ZNF423: variants seen among roughly 807,000 people sequenced by gnomAD.
ZNF423 encodes Ebf-associated zinc finger protein.
A neutral mutation model predicts 95.8 loss-of-function variants in ZNF423; 12 were observed. The observed-to-expected ratio is 0.13, with a 90% CI of 0.08 to 0.20. The LOEUF (loss-of-function observed/expected upper bound fraction) is 0.20, where lower values mean the gene tolerates loss of function less well. ZNF423 is among the 10% of genes least tolerant of loss of function. The pLI is 1.00. For synonymous variants in ZNF423, 749 were observed against 711.9 expected (o/e 1.05, Z -0.83); for missense variants, 1,316 against 1,737.1 (o/e 0.76, Z 4.31).
chr16:49,735,099 T>C (rs1372124221), intron 2 of ZNF423, among the ~76,000 whole-genome samples: 2 of 152,170 alleles, frequency 1.3e-5, no homozygotes, highest in African/African-American at 4.8e-5. Flanking sequence ...AAGTCCCATG[T>C]AGGGTCCTGG....
chr16:49,852,566 G>A (rs2035313443), intron 1 of ZNF423, among the ~76,000 whole-genome samples: 1 of 151,844 alleles, frequency 6.6e-6, no homozygotes, highest in Non-Finnish European at 1.5e-5. Context: ...GGAAAATGAG[G>A]CCAAAATTAT....
intron 2 of ZNF423, among the ~76,000 whole-genome samples, chr16:49,770,168 A>G (rs1356674704): frequency 6.6e-6 from 1 of 151,192 alleles, no homozygotes; most frequent in Non-Finnish European, 1.5e-5. Flanking sequence ...GTGCTCAATA[A>G]TATCTGTGAC....
intron 2 of ZNF423, among the ~76,000 whole-genome samples, chr16:49,785,230 C>T (rs530969148): frequency 6.6e-6 from 1 of 152,174 alleles, no homozygotes; most frequent in South Asian, 2.1e-4. Context: ...GTGCATGCCA[C>T]CATGCCCAGG....
At chr16:49,570,901 C>T (rs933243412) in intron 5 of ZNF423, among the ~76,000 whole-genome samples, 7 of 152,218 alleles carry the variant, frequency 4.6e-5, no homozygotes, top group Non-Finnish European at 7.3e-5. Flanking sequence ...GCCCCATTGC[C>T]ACCCTCCTCC....
chr16:49,844,393 TA>T (rs2035221477), intron 1 of ZNF423, among the ~76,000 whole-genome samples: 1 of 152,138 alleles, frequency 6.6e-6, no homozygotes, highest in African/African-American at 2.4e-5. Flanking sequence ...AAGCCCTCGA[TA>T]AACAGCAGCT....
intron 3 of ZNF423, among the ~76,000 whole-genome samples, chr16:49,693,653 G>A (rs1567294578): frequency 1.3e-5 from 2 of 152,174 alleles, no homozygotes; most frequent in Non-Finnish European, 2.9e-5. Context: ...GACCAATCCA[G>A]GCCAATCAGC....
chr16:49,716,075 G>C (rs2032697904), intron 3 of ZNF423, among the ~76,000 whole-genome samples: 1 of 152,026 alleles, frequency 6.6e-6, no homozygotes, highest in Non-Finnish European at 1.5e-5. Flanking sequence ...CCAGGGCAGT[G>C]GGGGAGGAGC....
chr16:49,645,975 C>A (rs140057202), intron 3 of ZNF423, among the ~76,000 whole-genome samples: 133 of 152,344 alleles, frequency 8.7e-4, no homozygotes, highest in East Asian at 3.1e-3. Context: ...GTCAATTAAA[C>A]CTCTTTCCTT....
chr16:49,788,738 C>T (rs774138377), intron 2 of ZNF423, among the ~76,000 whole-genome samples: 11 of 152,182 alleles, frequency 7.2e-5, no homozygotes, highest in Non-Finnish European at 1.3e-4. Flanking sequence ...AAGGGGATCC[C>T]GGCGCCTGCC....
At chr16:49,730,644 C>T (rs946504280) in intron 3 of ZNF423, 127 bp downstream of exon 3, 4 of 1,034,156 alleles carry the variant, frequency 3.9e-6, no homozygotes, top group Middle Eastern at 3.1e-4. Flanking sequence ...CAAGACACCA[C>T]AATAAAATGA....
intron 5 of ZNF423, among the ~76,000 whole-genome samples, chr16:49,569,878 T>C: frequency 6.6e-6 from 1 of 152,126 alleles, no homozygotes; most frequent in Non-Finnish European, 1.5e-5. Flanking sequence ...GCCTAGGAGG[T>C]CAGTAATAAT....
intron 5 of ZNF423, among the ~76,000 whole-genome samples, chr16:49,565,341 C>A (rs1015885054): frequency 6.6e-6 from 1 of 152,178 alleles, no homozygotes; most frequent in Non-Finnish European, 1.5e-5. Flanking sequence ...TTTCAAAAAG[C>A]CTGAATACAT....
chr16:49,633,024 A>C (rs1397324325), intron 4 of ZNF423, among the ~76,000 whole-genome samples: 1 of 152,184 alleles, frequency 6.6e-6, no homozygotes, highest in Non-Finnish European at 1.5e-5. Context: ...ACCCCACCCC[A>C]GCTGGCCTTT....
intron 3 of ZNF423, among the ~76,000 whole-genome samples, chr16:49,699,091 AATCAC>A (rs1416879478): frequency 2.0e-5 from 3 of 152,352 alleles, no homozygotes; most frequent in Middle Eastern, 6.8e-3. Flanking sequence ...CCGAAAACAC[AATCAC>A]CTCCTCTGCC....
intron 3 of ZNF423, among the ~76,000 whole-genome samples, chr16:49,723,632 C>T (rs1459554860): frequency 6.6e-6 from 1 of 152,186 alleles, no homozygotes; most frequent in East Asian, 1.9e-4. Flanking sequence ...GCCTTCCTCA[C>T]TCTGATACTA....
At chr16:49,649,461 C>T (rs927787978) in intron 3 of ZNF423, among the ~76,000 whole-genome samples, 9 of 152,066 alleles carry the variant, frequency 5.9e-5, no homozygotes, top group Non-Finnish European at 8.8e-5. Flanking sequence ...TCTCCTAGTT[C>T]GGGTGGTTTT....
At chr16:49,499,389 G>A (rs941483500) in intron 7 of ZNF423, among the ~76,000 whole-genome samples, 6 of 152,340 alleles carry the variant, frequency 3.9e-5, no homozygotes, top group Middle Eastern at 3.4e-3. Flanking sequence ...CAATTCATCC[G>A]GAACTCCCGG....
chr16:49,492,074 C>T lies in ZNF423; in HGVS notation c.3850-770G>A, dbSNP rs1332951505. ...TTACAGTCAATGGCATTTCCTCCCC[C>T]TGCCAGCCAGAGGGGGCCAGCAGGG... On this transcript the variant is annotated intron_variant, in intron 7 of 7. Transcript: ENST00000563137. The surrounding 1 kb of genome is among the most constrained non-coding windows in gnomAD (Gnocchi z 4.2). 6.6e-6 allele frequency among the ~76,000 whole-genome samples: 1 copy of T among 152,260 alleles called. No individual in the cohort carries two copies. Among genetic ancestry groups the T allele is most frequent in the African/African-American group, 2.4e-5 (1 of 41,474 alleles).
intron 7 of ZNF423, among the ~76,000 whole-genome samples, chr16:49,510,795 G>A (rs940526680): frequency 2.0e-5 from 3 of 152,342 alleles, no homozygotes; most frequent in African/African-American, 7.2e-5. Context: ...CTGTTACTAA[G>A]AAACTGAAGG....
Sources: allele counts gnomAD v4.1 joint callset (sites outside exome capture counted in the v4.1 genomes callset), GRCh38; gene constraint gnomAD v4.1.1; non-coding constraint Gnocchi (gnomAD v3.1); transcripts MANE v1.5; gene names NCBI Gene and HGNC (gene_info 2026-07-23, HGNC 2026-07-21).